Variants in PARP10 observed in about 807,000 individuals in gnomAD.
The protein encoded by PARP10 is poly(ADP-ribose) polymerase family member 10, also known as protein mono-ADP-ribosyltransferase PARP10.
Under a neutral mutation model 82.4 loss-of-function variants are expected in PARP10, and 56 were observed. That is an observed-to-expected ratio of 0.68 (90% CI 0.55 to 0.85). The LOEUF (loss-of-function observed/expected upper bound fraction) is 0.85, where lower values mean the gene tolerates loss of function less well. Ranked by LOEUF, PARP10 falls within the 40% of genes least tolerant of loss-of-function variation. The pLI is 0.00. For synonymous variants in PARP10, 576 were observed against 601.1 expected, an observed-to-expected ratio of 0.96 and a Z score of 0.61; for missense variants, 1,227 against 1,379.4, an observed-to-expected ratio of 0.89 and a Z score of 1.75.
At chr8:143,990,327 C>G (rs1311361789), upstream of PARP10, 2 of 150,458 alleles carry the variant, frequency 1.3e-5, no homozygotes, top group Non-Finnish European at 3.0e-5. The surrounding 1 kb of genome is among the most constrained non-coding windows in gnomAD (Gnocchi z 5.6). Context: ...TAAGTTGGTC[C>G]GGCCGGGGCG....
Position 143,983,513 on chromosome 8 carries a change from C to G in PARP10, c.2076G>C (p.Pro692=). Residue 692 remains proline, a synonymous_variant, in exon 8 of 11, where the codon CCG becomes CCC. Transcript: ENST00000313028. ...CATCTGGGGGCTCTTCTGCCTCCAA[C>G]GGGGGCTGCTCCAGCAGGGAGAGGG... ...ALTLSLLEQP[P]LEAEEPPDGG... 1 of 1,605,676 alleles carries G rather than the reference C, an allele frequency of 6.2e-7. No individual in the cohort carries two copies. The highest frequency in any genetic ancestry group is 8.5e-7 in the Non-Finnish European group (1 of 1,176,590).
At chr8:143,991,998 G>A, upstream of PARP10, 1 of 1,613,864 alleles carries the variant, frequency 6.2e-7, no homozygotes, top group Non-Finnish European at 8.5e-7. Flanking sequence ...TGTCTCCTAT[G>A]CTGTCTTCTT....
upstream of PARP10, among the ~76,000 whole-genome samples, chr8:143,996,123 G>A (rs1303633873): frequency 6.6e-6 from 1 of 152,324 alleles, no homozygotes; most frequent in East Asian, 1.9e-4. Flanking sequence ...CCAGGGTGTG[G>A]ACGCTCCCCC....
chr8:143,991,850 G>T (rs372602998), upstream of PARP10: 17 of 1,609,988 alleles, frequency 1.1e-5, no homozygotes, highest in Non-Finnish European at 1.4e-5. Flanking sequence ...GGCTCCCAGC[G>T]GATGACTCTG....
rs782629153 is a variant in PARP10, at chr8:143,985,355, C to A, written c.674-27G>T. 6.3e-6 allele frequency: 10 copies of A among 1,592,770 alleles called. No homozygotes were observed. The African/African-American group carries it at 1.3e-4, about 21-fold the overall frequency. On this transcript the variant is annotated intron_variant, in intron 4 of 10. Coordinates refer to ENST00000313028, the MANE Select transcript of PARP10 (RefSeq NM_032789.5). ...TTGGAGGAAGGGAAAGGACAGAAAG[C>A]CTGTCAGATTTCTGCAGGAGAGGGA...
In PARP10 at chr8:143,984,981, C is replaced by T. The variant is rs1554748870; in HGVS notation, c.1021G>A (p.Gly341Arg). The T allele has an allele frequency of 5.0e-6, 8 of 1,613,870 alleles. No homozygotes were observed. The African/African-American group carries it at 8.0e-5, about 16-fold the overall frequency. ...ACTTGCTCTGCCTGTCCCAGAGACCCCATGGGACCTGTCCTCAGAGAGGTC... is the reference window on the plus strand; with the variant it reads ...ACTTGCTCTGCCTGTCCCAGAGACCTCATGGGACCTGTCCTCAGAGAGGTC... Reference protein sequence around the residue: ...SGTSLRTGPMGSLGQAEQVSS... With the variant: ...SGTSLRTGPMRSLGQAEQVSS... Residue 341 changes from glycine to arginine, a missense_variant, in exon 5 of 11, where the codon GGG (glycine) becomes AGG (arginine). Transcript: ENST00000313028.
At position 143,985,724 on chromosome 8, in the gene PARP10, C is replaced by G; in HGVS notation, c.433G>C (p.Ala145Pro). The change falls in exon 3 of 11, where the codon GCA becomes CCA. Residue 145 changes from alanine to proline, a missense_variant. Physicochemically the swap from Ala to Pro is conservative, Grantham distance 27 (BLOSUM62 -1). Transcript: ENST00000313028. Reference protein sequence around the residue: ...LVQLPKPLSEADVRVLEEQAQ... With the variant: ...LVQLPKPLSEPDVRVLEEQAQ... ...CAACCCCAACCCTGCCTCTCACCTG[C>G]CTCAGAAAGGGGCTTGGGCAACTGG... The G allele has an allele frequency of 6.2e-7, 1 of 1,603,962 alleles. No homozygotes were observed. Among genetic ancestry groups the G allele is most frequent in the Admixed American group, 1.7e-5 (1 of 59,252 alleles).
At chr8:143,979,980 C>T (rs1833808777) in intron 9 of PARP10, among the ~76,000 whole-genome samples, 1 of 140,232 alleles carries the variant, frequency 7.1e-6, no homozygotes, top group Non-Finnish European at 1.5e-5. Flanking sequence ...CCACTGCACT[C>T]CAGCCTGAGT....
At chr8:143,988,683 T>C (rs1401627988), upstream of PARP10, among the ~76,000 whole-genome samples, 1 of 151,048 alleles carries the variant, frequency 6.6e-6, no homozygotes, top group Admixed American at 6.6e-5. Flanking sequence ...TTAGCCAGGA[T>C]GGTCTCCATC....
rs141489877 is a variant in PARP10, at chr8:143,984,712, C to T, written c.1290G>A (p.Val430=). 4.3e-6 allele frequency: 7 copies of T among 1,613,752 alleles called. No individual in the cohort carries two copies. Among genetic ancestry groups the T allele is most frequent in the Non-Finnish European group, 5.9e-6 (7 of 1,179,870 alleles). The part of the protein sequence containing the change: ...TMGSLEKAGP[V]SPGCVKLAGQ... Reference sequence around the variant, plus strand: ...CTGCCAGCTTCACACATCCTGGGCTCACAGGCCCTGCCTTCTCCAGAGACC... The same window carrying T: ...CTGCCAGCTTCACACATCCTGGGCTTACAGGCCCTGCCTTCTCCAGAGACC... Residue 430 remains valine (V), a synonymous_variant, in exon 5 of 11, where the codon GTG becomes GTA. Coordinates refer to ENST00000313028, the MANE Select transcript of PARP10 (RefSeq NM_032789.5).
Position 143,985,115 on chromosome 8 carries a change from C to T in PARP10, c.887G>A (p.Gly296Asp), listed in dbSNP as rs1833954132. Residue 296 changes from glycine (G) to aspartate (D), a missense_variant, in exon 5 of 11, where the codon GGC becomes GAC. Transcript: ENST00000313028. ...TGACTGCCCTGGTTCCTCGCCAGAG[C>T]CCATTGTCACAGTCCCTGCACCCTG... Reference protein sequence around the residue: ...ALQGAGTVTMGSGEEPGQSGA... With the variant: ...ALQGAGTVTMDSGEEPGQSGA... 1 of 1,613,950 alleles carries T rather than the reference C, an allele frequency of 6.2e-7. No individual in the cohort carries two copies. The highest frequency in any genetic ancestry group is 1.3e-5 in the African/African-American group (1 of 74,910).
At chr8:143,992,761 T>G (rs1564258480), upstream of PARP10, 2 of 1,613,932 alleles carry the variant, frequency 1.2e-6, no homozygotes, top group Non-Finnish European at 1.7e-6. Context: ...AGAGTATGTG[T>G]TTGCTGCGCT....
chr8:143,983,153 G>A lies in PARP10; in HGVS notation c.2422+14C>T. 1 of 1,612,852 alleles carries A rather than the reference G, an allele frequency of 6.2e-7. No individual in the cohort carries two copies. The highest frequency in any genetic ancestry group is 8.5e-7 in the Non-Finnish European group (1 of 1,179,256). ...GCCCACCCCACCGTCCCTCAGTCCA[G>A]GAGGTAGACTCACAGGTAGGGCCTG... On this transcript the variant is annotated intron_variant, in intron 8 of 10. Transcript: ENST00000313028.
chr8:143,998,361 C>T (rs374609554), intron 1 of PARP10, among the ~76,000 whole-genome samples: 5 of 152,172 alleles, frequency 3.3e-5, no homozygotes, highest in African/African-American at 4.8e-5. Context: ...ACCCAGACTC[C>T]GCTCAGCTCT....
chr8:143,979,058 C>T (rs1833787702), intron 9 of PARP10, among the ~76,000 whole-genome samples: 2 of 151,874 alleles, frequency 1.3e-5, no homozygotes, highest in South Asian at 2.1e-4. Context: ...CTGCAAGCTC[C>T]GCCTCCCGGG....
rs116639519 is a variant in PARP10 at position 144,003,553 on chromosome 8, G to T, written c.-80+8977C>A. Among the ~76,000 whole-genome samples the T allele has an allele frequency of 1.4e-3, 216 of 152,064 alleles. 2 individuals are homozygous for T. Among genetic ancestry groups the T allele is most frequent in the African/African-American group, 5.0e-3 (206 of 41,492 alleles). On this transcript the variant is annotated intron_variant, in intron 1 of 3. Coordinates refer to the PARP10 transcript ENST00000530478. ...TGGGACCCGGAGACAGGAACACTATGATCATCCTGGCTTTCTGCCTAGAGG... is the reference window on the plus strand; with the variant it reads ...TGGGACCCGGAGACAGGAACACTATTATCATCCTGGCTTTCTGCCTAGAGG...
chr8:143,985,350 G>A, intron 4 of PARP10, 22 bp from the exon 5 acceptor site: 1 of 1,594,322 alleles, frequency 6.3e-7, no homozygotes, highest in Non-Finnish European at 8.6e-7. Context: ...GGAAAGGACA[G>A]AAAGCCTGTC....
chr8:143,982,661 G>A (rs564279995), intron 9 of PARP10, among the ~76,000 whole-genome samples: 116 of 152,334 alleles, frequency 7.6e-4, no homozygotes, highest in African/African-American at 2.7e-3. Context: ...GCCTGGAGCT[G>A]GTCCCATAGT....
rs1355265819 is a variant in PARP10, at chr8:143,986,151, G to T, written c.85C>A (p.Leu29Ile). ...PPAVPDELLTLYFENRRRSGG... is the reference protein window; with the variant it reads ...PPAVPDELLTIYFENRRRSGG... The stretch of plus-strand genomic sequence containing the variant: ...GAGCGTCGGCGGTTTTCAAAGTAGA[G>T]AGTGAGCAGCTCGTCGGGCACGGCA... Residue 29 changes from leucine to isoleucine, a missense_variant, in exon 2 of 11, where the codon CTC becomes ATC. Physicochemically the swap from Leu to Ile is conservative, Grantham distance 5 (BLOSUM62 2). Coordinates refer to ENST00000313028, the MANE Select transcript of PARP10 (RefSeq NM_032789.5). 6.2e-7 allele frequency: 1 copy of T among 1,613,974 alleles called. No individual in the cohort carries two copies. Among genetic ancestry groups the T allele is most frequent in the African/African-American group, 1.3e-5 (1 of 74,906 alleles).
Sources: gnomAD v4.1 joint callset for allele counts (sites outside exome capture counted in the v4.1 genomes callset) on GRCh38, gnomAD v4.1.1 for gene constraint, Gnocchi (gnomAD v3.1) non-coding constraint, MANE v1.5 for transcripts, NCBI Gene and HGNC (gene_info 2026-07-23, HGNC 2026-07-21) for gene names.